Variants in BRWD3 observed in about 807,000 individuals in gnomAD.
BRWD3 encodes the protein bromodomain and WD repeat-containing protein 3.
Under a neutral mutation model 149.7 loss-of-function variants are expected in BRWD3, and 10 were observed. That is an observed-to-expected ratio of 0.07 (90% CI 0.04 to 0.11). The LOEUF (loss-of-function observed/expected upper bound fraction) is 0.11, where lower values mean the gene tolerates loss of function less well. Among genes scored for constraint, BRWD3 ranks in the 10% least tolerant of loss-of-function variants. The pLI, the probability that BRWD3 is intolerant of heterozygous loss-of-function variation, is 1.00. For missense variants in BRWD3, 940 were observed against 1,373.2 expected, an observed-to-expected ratio of 0.68 and a Z score of 4.99; for synonymous variants, 504 against 456.7, an observed-to-expected ratio of 1.10 and a Z score of -1.32.
Position 80,672,647 on chromosome X carries a change from T to A in BRWD3, c.*3962A>T, listed in dbSNP as rs1003451010. ...TTTGAAATAAGCCATAAAAGTGACT[T>A]TAGAATATTCTATTTCTGATAAACC... On this transcript the variant is annotated 3_prime_UTR_variant, in exon 41 of 41. Transcript: ENST00000373275. 22 of 111,898 alleles carry A rather than the reference T, an allele frequency of 2.0e-4. No homozygotes were observed. The highest frequency in any genetic ancestry group is 7.6e-4 in the Admixed American group (8 of 10,543). The allele number at this position is 111,898 out of a possible 1,213,427, so 9.2% of individuals were successfully genotyped here.
intron 24 of BRWD3, among the ~76,000 whole-genome samples, chrX:80,700,364 T>A (rs1412501905): frequency 1.1e-5 from 1 of 91,767 alleles, no homozygotes; most frequent in African/African-American, 3.9e-5. Context: ...TATTTTAAAG[T>A]ATATGTGCCC....
intron 18 of BRWD3, among the ~76,000 whole-genome samples, 200 bp downstream of exon 18, chrX:80,719,289 C>A (rs900023189): frequency 9.0e-6 from 1 of 111,433 alleles, no homozygotes; most frequent in African/African-American, 3.3e-5. Flanking sequence ...AATGCATCAC[C>A]TGTATTTCTC....
At chrX:80,749,418 GAACT>G (rs2073636522) in intron 6 of BRWD3, among the ~76,000 whole-genome samples, 1 of 111,285 alleles carries the variant, frequency 9.0e-6, no homozygotes, top group Admixed American at 9.6e-5. Context: ...ACTTCTTGAT[GAACT>G]AACATCTCTA....
intron 6 of BRWD3, among the ~76,000 whole-genome samples, chrX:80,753,875 G>T (rs1413738075): frequency 9.0e-6 from 1 of 110,962 alleles, no homozygotes; most frequent in Non-Finnish European, 1.9e-5. Context: ...TGTTCCTTTG[G>T]TCTGTTTGTC....
At chrX:80,789,050 C>A (rs1190087993) in intron 6 of BRWD3, among the ~76,000 whole-genome samples, 1 of 111,868 alleles carries the variant, frequency 8.9e-6, no homozygotes, top group Admixed American at 9.5e-5. Context: ...AAAAAGACAG[C>A]CTTTTATGTC....
chrX:80,764,188 AACCTTAC>A lies in BRWD3; in HGVS notation c.431-18466_431-18460del, dbSNP rs757584240. ...TGAAAGAATAATGAACGTTGACCTA[AACCTTAC>A]ACCTTACAGAATTAAACTCAAAATT... On this transcript the variant is annotated intron_variant, in intron 6 of 40. Transcript: ENST00000373275. Among the ~76,000 whole-genome samples, 9 of 112,727 alleles carry A rather than the reference AACCTTAC, an allele frequency of 8.0e-5. No individual in the cohort carries two copies. The South Asian group carries it at 3.3e-3, about 41-fold the overall frequency.
chrX:80,690,185 CAG>C, intron 31 of BRWD3, 93 bp from the exon 32 acceptor site: 2 of 956,000 alleles, frequency 2.1e-6, no homozygotes, highest in Non-Finnish European at 1.5e-6. Context: ...TACTTAAACA[CAG>C]TGTGTCAAAG....
intron 6 of BRWD3, among the ~76,000 whole-genome samples, chrX:80,771,927 C>T (rs1044061024): frequency 4.5e-5 from 5 of 111,852 alleles, no homozygotes; most frequent in African/African-American, 1.6e-4. Flanking sequence ...GATACCATCT[C>T]ACACCAGTTA....
At chrX:80,729,493 T>A (rs2073296014) in intron 13 of BRWD3, among the ~76,000 whole-genome samples, 1 of 111,702 alleles carries the variant, frequency 9.0e-6, no homozygotes, top group Admixed American at 9.5e-5. Context: ...AAATGCTGAT[T>A]AAGTGGATAT....
At chrX:80,808,486 G>C in intron 4 of BRWD3, 53 bp downstream of exon 4, 1 of 1,052,552 alleles carries the variant, frequency 9.5e-7, no homozygotes, top group Non-Finnish European at 1.3e-6. Flanking sequence ...GGTACAAGGT[G>C]GGGAGGGAGT....
chrX:80,682,668 A>G (rs1234617579), intron 37 of BRWD3, 40 bp from the exon 38 acceptor site: 2 of 1,161,359 alleles, frequency 1.7e-6, no homozygotes, highest in Non-Finnish European at 2.3e-6. Flanking sequence ...CTAGTTTTAT[A>G]TTTTAAAAAA....
chrX:80,687,101 TA>T, intron 34 of BRWD3, 98 bp from the exon 35 acceptor site: 1 of 5,534 alleles, frequency 1.8e-4, no homozygotes, highest in Non-Finnish European at 3.6e-4. Flanking sequence ...TGTATGTGTG[TA>T]TATATATATA....
At chrX:80,692,263 G>T in intron 28 of BRWD3, 113 bp from the exon 29 acceptor site, 1 of 657,203 alleles carries the variant, frequency 1.5e-6, no homozygotes, top group Non-Finnish European at 2.4e-6. Context: ...GGGCAATACA[G>T]TTGTCTTGAA....
At chrX:80,759,856 C>T (rs2073784403) in intron 6 of BRWD3, among the ~76,000 whole-genome samples, 1 of 111,252 alleles carries the variant, frequency 9.0e-6, no homozygotes, top group African/African-American at 3.3e-5. Context: ...ATCATCCATA[C>T]TGTCTAGTCT....
intron 6 of BRWD3, among the ~76,000 whole-genome samples, chrX:80,759,745 T>C (rs948881675): frequency 3.6e-5 from 4 of 111,795 alleles, no homozygotes; most frequent in Non-Finnish European, 5.7e-5. Flanking sequence ...AGTGATTTCA[T>C]ATGGCTCAAC....
At chrX:80,747,205 C>A (rs771143868) in intron 6 of BRWD3, among the ~76,000 whole-genome samples, 2 of 109,460 alleles carry the variant, frequency 1.8e-5, no homozygotes, top group East Asian at 5.8e-4. Flanking sequence ...TTCTGCTTGG[C>A]TTTTGTCTCT....
intron 22 of BRWD3, among the ~76,000 whole-genome samples, chrX:80,705,773 G>T (rs1479816029): frequency 9.0e-6 from 1 of 111,480 alleles, no homozygotes; most frequent in Non-Finnish European, 1.9e-5. Flanking sequence ...ACATAGAAAA[G>T]GTACAGTAAA....
At chrX:80,779,458 C>T (rs2147838807) in intron 6 of BRWD3, among the ~76,000 whole-genome samples, 1 of 109,367 alleles carries the variant, frequency 9.1e-6, no homozygotes, top group South Asian at 3.9e-4. Flanking sequence ...CCAGGTGGAG[C>T]GGTTCATGCC....
At chrX:80,778,154 C>T (rs2074018009) in intron 6 of BRWD3, among the ~76,000 whole-genome samples, 1 of 111,179 alleles carries the variant, frequency 9.0e-6, no homozygotes, top group South Asian at 3.7e-4. Flanking sequence ...TTGAAAAGTG[C>T]CTTGTTACCA....
Sources: gnomAD v4.1 joint callset for allele counts (sites outside exome capture counted in the v4.1 genomes callset) on GRCh38, gnomAD v4.1.1 for gene constraint, MANE v1.5 for transcripts, NCBI Gene and HGNC (gene_info 2026-07-23, HGNC 2026-07-21) for gene names.